ZNF333: variants seen among roughly 807,000 people sequenced by gnomAD.
ZNF333 encodes zinc finger protein 333.
Under a neutral mutation model 76.1 loss-of-function variants are expected in ZNF333, and 61 were observed. The ratio of observed to expected loss-of-function variants is 0.80; its 90% CI spans 0.65 to 0.99. The LOEUF (loss-of-function observed/expected upper bound fraction) is 0.99. Among genes scored for constraint, ZNF333 ranks in the 50% least tolerant of loss-of-function variants. The pLI, the probability that ZNF333 is intolerant of heterozygous loss-of-function variation, is 0.00. For missense variants in ZNF333, 717 were observed against 822.4 expected (o/e 0.87, Z 1.57); for synonymous variants, 284 against 305.0 (o/e 0.93, Z 0.72).
At chr19:14,722,325 C>A (rs915432758), downstream of ZNF333, among the ~76,000 whole-genome samples, 3 of 152,178 alleles carry the variant, frequency 2.0e-5, no homozygotes, top group African/African-American at 7.2e-5. Context: ...CTTTCTTTGG[C>A]CAATGGAGTG....
chr19:14,718,916 G>C lies in ZNF333; in HGVS notation c.1589G>C (p.Gly530Ala). The change falls in exon 12 of 12, where the codon GGG (glycine) becomes GCG (alanine). Residue 530 changes from glycine (G) to alanine (A), a missense_variant. By Grantham distance (60) the Gly-to-Ala change is moderately conservative. Transcript: ENST00000292530. ...HLNVHKRIHT[G>A]EKLYECATCG... ...AACGTGCACAAGAGGATACACACAG[G>C]GGAGAAACTGTATGAGTGCGCGACT... 6.2e-7 allele frequency: 1 copy of C among 1,613,952 alleles called. No homozygotes were observed. The highest frequency in any genetic ancestry group is 2.2e-5 in the East Asian group (1 of 44,884).
chr19:14,714,004 T>C (rs2147005539), intron 7 of ZNF333, among the ~76,000 whole-genome samples: 1 of 151,988 alleles, frequency 6.6e-6, no homozygotes, highest in South Asian at 2.1e-4. Flanking sequence ...TGAGCACACA[T>C]CAGTGGGATT....
chr19:14,717,635 T>G, intron 10 of ZNF333, 22 bp from the exon 11 acceptor site: 1 of 1,610,122 alleles, frequency 6.2e-7, no homozygotes, highest in Non-Finnish European at 8.5e-7. Context: ...TGCTTAACTT[T>G]TTCTTCCCTA....
At position 14,706,142 on chromosome 19, in the gene ZNF333, C is replaced by G. The variant is rs1363268793; in HGVS notation, c.424-544C>G. 3 of 457,638 alleles carry G rather than the reference C, an allele frequency of 6.6e-6. No individual in the cohort carries two copies. In the Admixed American group the frequency reaches 7.0e-5, roughly 11 times the overall value. 28.3% of individuals were successfully genotyped at this position (457,638 alleles called of 1,614,324 possible). A position where few individuals can be genotyped will look rare whatever the true frequency, so the allele number is the denominator to read the frequency against. On this transcript the variant is annotated intron_variant, in intron 6 of 11. Transcript: ENST00000292530. ...ATCCTGCCCAGAGCCACCGTTAGTT[C>G]TCCTGGACTCCAGTTCTGCTCCTGA...
At position 14,706,694 on chromosome 19, in the gene ZNF333, G is replaced by A. The variant is rs1568539397; in HGVS notation, c.432G>A (p.Lys144=). 2 of 1,614,112 alleles carry A rather than the reference G, an allele frequency of 1.2e-6. No individual in the cohort carries two copies. The highest frequency in any genetic ancestry group is 8.5e-7 in the Non-Finnish European group (1 of 1,180,002). Residue 144 remains lysine (K), a synonymous_variant, in exon 7 of 12, where the codon AAG becomes AAA. Coordinates refer to ENST00000292530, the MANE Select transcript of ZNF333 (RefSeq NM_032433.4). The stretch of plus-strand genomic sequence containing the variant: ...CCTGTCACTCTGTCCAGGGACTGAA[G>A]GCCGCTATGCAGATTCAGAGGGTGG... ...PPWSLGCTGL[K]AAMQIQRVVI...
At chr19:14,707,546 T>A (rs1475134445) in intron 7 of ZNF333, among the ~76,000 whole-genome samples, 1 of 135,116 alleles carries the variant, frequency 7.4e-6, no homozygotes, top group Non-Finnish European at 1.5e-5. Context: ...ATAAGCTTTG[T>A]TTCTTTTTTT....
chr19:14,703,001 G>A (rs1159318358), intron 5 of ZNF333, among the ~76,000 whole-genome samples: 4 of 152,016 alleles, frequency 2.6e-5, no homozygotes, highest in African/African-American at 9.6e-5. Context: ...TCAGGAGATC[G>A]AGACCATCCT....
chr19:14,694,775 G>T (rs1366695061), intron 2 of ZNF333, among the ~76,000 whole-genome samples: 4 of 152,190 alleles, frequency 2.6e-5, no homozygotes, highest in Non-Finnish European at 4.4e-5. Context: ...TGGCCCATGT[G>T]ATCTCTGTCA....
At chr19:14,706,999 G>A (rs2042129716) in intron 7 of ZNF333, 2 of 481,770 alleles carry the variant, frequency 4.2e-6, no homozygotes, top group Non-Finnish European at 7.2e-6. Context: ...CCACAGCAAA[G>A]GCCAGACCTC....
In ZNF333 at chr19:14,718,256, A is replaced by G. The variant is rs192636716; in HGVS notation, c.929A>G (p.Tyr310Cys). 29 of 1,612,754 alleles carry G rather than the reference A, an allele frequency of 1.8e-5. No individual in the cohort carries two copies. In the East Asian group the frequency reaches 6.2e-4, roughly 35 times the overall value. Residue 310 changes from tyrosine to cysteine, a missense_variant, in exon 12 of 12, where the codon TAT becomes TGT. Physicochemically the swap from Tyr to Cys is radical, Grantham distance 194 (BLOSUM62 -2). Coordinates refer to ENST00000292530, the MANE Select transcript of ZNF333 (RefSeq NM_032433.4). ...CAACCTCAGCCTGGAGAAAAACTCT[A>G]TAAATATAATGAACTTGAGAAACCT... ...GEQPQPGEKL[Y>C]KYNELEKPFN...
chr19:14,717,091 T>C lies in ZNF333; in HGVS notation c.823+2T>C, dbSNP rs1368302607. ...GCGTCCTCTCAGACACCTGTGCAGG[T>C]GAGCCCAGGCAGATCAGGTGAGCAT... On this transcript the variant is annotated splice_donor_variant, in intron 10 of 11. Transcript: ENST00000292530. LOFTEE classifies it high-confidence loss of function. 1 of 1,601,730 alleles carries C rather than the reference T, an allele frequency of 6.2e-7. No individual in the cohort carries two copies.
chr19:14,702,600 C>T (rs879317370), intron 5 of ZNF333, among the ~76,000 whole-genome samples: 3 of 152,188 alleles, frequency 2.0e-5, no homozygotes, highest in Non-Finnish European at 4.4e-5. Flanking sequence ...TGTCCCAGGC[C>T]CACCCCACAG....
intron 4 of ZNF333, among the ~76,000 whole-genome samples, chr19:14,696,802 G>GCA: frequency 7.6e-6 from 1 of 132,206 alleles, no homozygotes; most frequent in Non-Finnish European, 1.5e-5. Context: ...GCAGTGGTAC[G>GCA]ATCTCGGCTC....
intron 7 of ZNF333, chr19:14,708,252 C>T: frequency 2.5e-6 from 1 of 398,262 alleles, no homozygotes; most frequent in Non-Finnish European, 4.4e-6. Context: ...AGGTGATCCG[C>T]CCACCTCGGC....
intron 8 of ZNF333, among the ~76,000 whole-genome samples, chr19:14,715,840 G>C (rs924186306): frequency 1.3e-5 from 2 of 152,198 alleles, no homozygotes; most frequent in Non-Finnish European, 2.9e-5. Context: ...AGAGCTTCCT[G>C]GCTCCTTGTC....
chr19:14,705,386 G>A (rs947980695), intron 6 of ZNF333, among the ~76,000 whole-genome samples: 4 of 152,142 alleles, frequency 2.6e-5, no homozygotes, highest in Non-Finnish European at 5.9e-5. Flanking sequence ...CTGGGGGAGG[G>A]TCTGGTTGTT....
chr19:14,700,651 C>T (rs550716701), intron 5 of ZNF333, among the ~76,000 whole-genome samples: 53 of 152,250 alleles, frequency 3.5e-4, no homozygotes, highest in Non-Finnish European at 5.9e-4. Context: ...CCGCCTCAAA[C>T]AAGAGGACCT....
At chr19:14,700,952 C>A (rs1236821233) in intron 5 of ZNF333, among the ~76,000 whole-genome samples, 1 of 152,182 alleles carries the variant, frequency 6.6e-6, no homozygotes, top group Non-Finnish European at 1.5e-5. Flanking sequence ...GAAGCCTCAA[C>A]CCTGTGCAGC....
In ZNF333 at chr19:14,717,052, G is replaced by T. The variant is rs1273154243; in HGVS notation, c.786G>T (p.Trp262Cys). The stretch of plus-strand genomic sequence containing the variant: ...ATTTGGAAGAAAGAGGAGAGCAGTG[G>T]ACCACTGACAGGGGCGTCCTCTCAG... ...LSYLEERGEQ[W>C]TTDRGVLSDT... Residue 262 changes from tryptophan (W) to cysteine (C), a missense_variant, in exon 10 of 12, where the codon TGG becomes TGT. Coordinates refer to ENST00000292530, the MANE Select transcript of ZNF333 (RefSeq NM_032433.4). The T allele has an allele frequency of 6.2e-7, 1 of 1,611,306 alleles. No individual in the cohort carries two copies. The highest frequency in any genetic ancestry group is 1.1e-5 in the South Asian group (1 of 90,316).
Sources: gnomAD v4.1 joint callset for allele counts (sites outside exome capture counted in the v4.1 genomes callset) on GRCh38, gnomAD v4.1.1 for gene constraint, MANE v1.5 for transcripts, NCBI Gene and HGNC (gene_info 2026-07-23, HGNC 2026-07-21) for gene names.